The following VWA8 variants were observed in gnomAD, a reference collection of about 807,000 sequenced individuals.
The protein encoded by VWA8 is von Willebrand factor A domain containing 8.
VWA8 carries 221 observed loss-of-function variants against 241.5 expected under a neutral mutation model. The observed-to-expected ratio is 0.91, with a 90% CI of 0.82 to 1.02. The LOEUF is 1.02. VWA8 is among the 50% of genes least tolerant of loss of function. The probability of loss-of-function intolerance (pLI) is 0.00; values close to 1 mark genes in which losing one functional copy is unlikely to be tolerated. For synonymous variants in VWA8, 852 were observed against 827.1 expected, an observed-to-expected ratio of 1.03 and a Z score of -0.52; for missense variants, 2,322 against 2,328.7, an observed-to-expected ratio of 1.00 and a Z score of 0.06.
In VWA8 at chr13:41,568,233, T is replaced by G; in HGVS notation, c.5682A>C (p.Gln1894His). 2 of 1,614,116 alleles carry G rather than the reference T, an allele frequency of 1.2e-6. No individual in the cohort carries two copies. Among genetic ancestry groups the G allele is most frequent in the South Asian group, 2.2e-5 (2 of 91,072 alleles). ...MDTKDIPQIL[Q>H]QIFTSTMLSS... ...ACAACATGGTGGAGGTGAAGATCTG[T>G]TGTAAAATCTGAGGGATATCCTTGG... Residue 1894 changes from glutamine (Q) to histidine (H), a missense_variant, in exon 45 of 45, where the codon CAA (glutamine) becomes CAC (histidine). Gln to His is a conservative substitution (Grantham distance 24, BLOSUM62 0). Transcript: ENST00000379310.
intron 40 of VWA8, among the ~76,000 whole-genome samples, chr13:41,593,818 G>T (rs912824641): frequency 6.6e-6 from 1 of 152,298 alleles, no homozygotes; most frequent in Admixed American, 6.5e-5. Context: ...GAAAGTAAAA[G>T]AGAACAGGGT....
chr13:41,633,282 G>A (rs1341774004), intron 37 of VWA8, among the ~76,000 whole-genome samples: 2 of 152,190 alleles, frequency 1.3e-5, no homozygotes, highest in African/African-American at 2.4e-5. Flanking sequence ...GATTCTAGGT[G>A]TAAACATCTG....
intron 37 of VWA8, among the ~76,000 whole-genome samples, chr13:41,651,286 G>C (rs1221641151): frequency 2.0e-5 from 3 of 152,162 alleles, no homozygotes; most frequent in Non-Finnish European, 1.5e-5. Context: ...TTGGTAGTTT[G>C]ACAGGAATAG....
At chr13:41,570,417 T>G (rs753676051) in intron 44 of VWA8, 51 bp downstream of exon 44, 18 of 1,508,498 alleles carry the variant, frequency 1.2e-5, no homozygotes, top group African/African-American at 2.8e-5. Flanking sequence ...ATGTGTTAGC[T>G]ACTCAGTATC....
chr13:41,729,782 T>G, intron 22 of VWA8, 105 bp from the exon 23 acceptor site: 1 of 905,710 alleles, frequency 1.1e-6, no homozygotes, highest in Non-Finnish European at 1.7e-6. Context: ...TTATTTAAGT[T>G]ACAAGTATAC....
Position 41,660,968 on chromosome 13 carries a change from C to A in VWA8, c.4611+9978G>T, listed in dbSNP as rs149981670. Among the ~76,000 whole-genome samples, 91 of 151,638 alleles carry A rather than the reference C, an allele frequency of 6.0e-4. No individual in the cohort carries two copies. The East Asian group carries it at 0.016, about 27-fold the overall frequency. On this transcript the variant is annotated intron_variant, in intron 37 of 44. Coordinates refer to ENST00000379310, the MANE Select transcript of VWA8 (RefSeq NM_015058.2). Reference sequence around the variant, plus strand: ...GAAACCTCTGCATCCCGGGTTCAAGCGATTCTCCTGCTTCAGCCTCCCAAG... The same window carrying A: ...GAAACCTCTGCATCCCGGGTTCAAGAGATTCTCCTGCTTCAGCCTCCCAAG...
Position 41,580,719 on chromosome 13 carries a change from C to A in VWA8, c.5272-4881G>T, listed in dbSNP as rs540320682. On this transcript the variant is annotated intron_variant, in intron 42 of 44. Transcript: ENST00000379310. ...ACAGGGATGAAACATCAACTAAGAG[C>A]CCTGAAGTGGAAGTCAGAAGTGCTG... Among the ~76,000 whole-genome samples, 309 of 152,280 alleles carry A rather than the reference C, an allele frequency of 2.0e-3. 2 individuals carry two copies. Among genetic ancestry groups the A allele is most frequent in the African/African-American group, 7.0e-3 (293 of 41,572 alleles).
intron 14 of VWA8, among the ~76,000 whole-genome samples, chr13:41,829,422 T>C (rs1871319357): frequency 6.6e-6 from 1 of 151,986 alleles, no homozygotes; most frequent in Non-Finnish European, 1.5e-5. Context: ...TGTCATTATA[T>C]GAAAAAGATA....
intron 29 of VWA8, 102 bp from the exon 30 acceptor site, chr13:41,693,074 T>C (rs1413345915): frequency 4.3e-6 from 3 of 697,846 alleles, no homozygotes; most frequent in Non-Finnish European, 4.7e-6. Flanking sequence ...GTTATAGTGA[T>C]AAATCAAAAC....
intron 15 of VWA8, among the ~76,000 whole-genome samples, chr13:41,819,005 G>A (rs1236314304): frequency 1.3e-5 from 2 of 152,082 alleles, no homozygotes; most frequent in African/African-American, 4.8e-5. Flanking sequence ...CTATGGAGAT[G>A]GAGCCCAGAA....
chr13:41,860,861 AAACT>A (rs1327802937), intron 12 of VWA8, among the ~76,000 whole-genome samples: 1 of 152,174 alleles, frequency 6.6e-6, no homozygotes, highest in African/African-American at 2.4e-5. Context: ...ATACAGTATA[AAACT>A]AACTATGAAA....
intron 42 of VWA8, 111 bp from the exon 43 acceptor site, chr13:41,575,949 T>C (rs901750632): frequency 5.7e-5 from 40 of 705,480 alleles, no homozygotes; most frequent in Middle Eastern, 2.4e-4. Flanking sequence ...GCTCAACATA[T>C]GGCCATAAAG....
At chr13:41,799,966 C>G (rs1478086275) in intron 17 of VWA8, among the ~76,000 whole-genome samples, 7 of 152,192 alleles carry the variant, frequency 4.6e-5, no homozygotes. Flanking sequence ...TGGCTTCAGG[C>G]TACTACCAAT....
chr13:41,647,966 G>C (rs1322384161), intron 37 of VWA8, among the ~76,000 whole-genome samples: 1 of 152,078 alleles, frequency 6.6e-6, no homozygotes, highest in African/African-American at 2.4e-5. Context: ...TCTAGCCTGG[G>C]CGAAGGAGCG....
intron 20 of VWA8, among the ~76,000 whole-genome samples, chr13:41,769,696 T>C (rs1477673135): frequency 1.3e-5 from 2 of 152,186 alleles, no homozygotes; most frequent in African/African-American, 4.8e-5. Context: ...ACTCTGACAT[T>C]AACTAGCTAT....
intron 20 of VWA8, among the ~76,000 whole-genome samples, chr13:41,776,784 T>A (rs1868616498): frequency 6.6e-6 from 1 of 152,124 alleles, no homozygotes; most frequent in Non-Finnish European, 1.5e-5. Flanking sequence ...CAACCATATG[T>A]GGAAGAGTTG....
At chr13:41,782,336 A>G in intron 19 of VWA8, among the ~76,000 whole-genome samples, 1 of 152,058 alleles carries the variant, frequency 6.6e-6, no homozygotes, top group Middle Eastern at 3.2e-3. Flanking sequence ...AGTTTTTCAA[A>G]TTGTCTTTTG....
chr13:41,732,353 A>G (rs1299958738), intron 21 of VWA8, among the ~76,000 whole-genome samples, 198 bp from the exon 22 acceptor site: 1 of 152,142 alleles, frequency 6.6e-6, no homozygotes, highest in African/African-American at 2.4e-5. Context: ...ATAAATTACA[A>G]AGAATTTGAG....
rs745484975 is a variant in VWA8 at position 41,727,292 on chromosome 13, C to A, written c.2660G>T (p.Arg887Ile). The change falls in exon 24 of 45, where the codon AGA becomes ATA. Residue 887 changes from arginine (R) to isoleucine (I), a missense_variant. Arg to Ile is a moderately conservative substitution (Grantham distance 97). Coordinates refer to ENST00000379310, the MANE Select transcript of VWA8 (RefSeq NM_015058.2). The part of the protein sequence containing the change: ...IVANSANVNG[R>I]ENVVVIHPDF... ...AGGATGAATCACTACAACATTTTCTCTTCCATTCACATTAGCAGAATCTGA... is the reference window on the plus strand; with the variant it reads ...AGGATGAATCACTACAACATTTTCTATTCCATTCACATTAGCAGAATCTGA... 6.4e-7 allele frequency: 1 copy of A among 1,552,146 alleles called. No homozygotes were observed. Among genetic ancestry groups the A allele is most frequent in the African/African-American group, 1.4e-5 (1 of 73,098 alleles).
Sources: allele counts gnomAD v4.1 joint callset (sites outside exome capture counted in the v4.1 genomes callset), GRCh38; gene constraint gnomAD v4.1.1; transcripts MANE v1.5; gene names NCBI Gene and HGNC (gene_info 2026-07-23, HGNC 2026-07-21).